The following COX10 variants were observed in gnomAD, a reference collection of about 807,000 sequenced individuals.
COX10 encodes the protein protoheme IX farnesyltransferase, mitochondrial.
In COX10, 27 loss-of-function variants were observed where a neutral mutation model predicts 37.3. That is an observed-to-expected ratio of 0.72 (90% CI 0.53 to 1.00). The LOEUF (loss-of-function observed/expected upper bound fraction) is 1.00. Among genes scored for constraint, COX10 ranks in the 50% least tolerant of loss-of-function variants. The pLI is 0.00. For synonymous variants in COX10, 222 were observed against 229.1 expected, an observed-to-expected ratio of 0.97 and a Z score of 0.28; for missense variants, 475 against 563.2, an observed-to-expected ratio of 0.84 and a Z score of 1.59.
At chr17:14,190,767 A>C (rs1445442906) in intron 5 of COX10, among the ~76,000 whole-genome samples, 2 of 152,134 alleles carry the variant, frequency 1.3e-5, no homozygotes, top group Non-Finnish European at 2.9e-5. Flanking sequence ...CTAACTCGTC[A>C]TAATTCTACA....
chr17:14,132,796 T>G (rs1163784658), intron 4 of COX10, among the ~76,000 whole-genome samples: 1 of 151,674 alleles, frequency 6.6e-6, no homozygotes, highest in Admixed American at 6.6e-5. Context: ...TGATGCAAAA[T>G]TATAGCTTCA....
chr17:14,099,972 G>T (rs1460904541), intron 3 of COX10, among the ~76,000 whole-genome samples: 1 of 152,048 alleles, frequency 6.6e-6, no homozygotes, highest in Non-Finnish European at 1.5e-5. Context: ...ATGGTAAAGT[G>T]CACTTTTCCA....
chr17:14,195,695 T>C (rs1906348017), intron 6 of COX10, among the ~76,000 whole-genome samples: 1 of 152,232 alleles, frequency 6.6e-6, no homozygotes, highest in Non-Finnish European at 1.5e-5. Context: ...GAGAACATGA[T>C]AATTACCTGG....
At chr17:14,162,927 A>T (rs1396682047) in intron 5 of COX10, among the ~76,000 whole-genome samples, 1 of 152,200 alleles carries the variant, frequency 6.6e-6, no homozygotes, top group Non-Finnish European at 1.5e-5. Context: ...TTGGCTACAT[A>T]ATTTGGCAAC....
chr17:14,180,541 T>C, intron 5 of COX10, among the ~76,000 whole-genome samples: 1 of 152,204 alleles, frequency 6.6e-6, no homozygotes, highest in Non-Finnish European at 1.5e-5. Flanking sequence ...CATTTGTGAC[T>C]ATTTTCAAGC....
chr17:14,087,522 G>T (rs1915436764), intron 3 of COX10, among the ~76,000 whole-genome samples: 1 of 152,084 alleles, frequency 6.6e-6, no homozygotes, highest in South Asian at 2.1e-4. Flanking sequence ...CGGATGCAGG[G>T]TTGGATTTTT....
intron 5 of COX10, among the ~76,000 whole-genome samples, chr17:14,186,473 C>A: frequency 6.6e-6 from 1 of 151,804 alleles, no homozygotes; most frequent in Non-Finnish European, 1.5e-5. Flanking sequence ...TCACTTCTTC[C>A]TAGAAACACC....
At chr17:14,202,927 C>T (rs1025930169) in intron 6 of COX10, among the ~76,000 whole-genome samples, 1 of 152,160 alleles carries the variant, frequency 6.6e-6, no homozygotes, top group Non-Finnish European at 1.5e-5. Context: ...TTAGTTGAGT[C>T]ATGGCTTAAA....
At chr17:14,170,326 T>A (rs994265733) in intron 5 of COX10, among the ~76,000 whole-genome samples, 4 of 152,218 alleles carry the variant, frequency 2.6e-5, no homozygotes, top group African/African-American at 9.6e-5. Context: ...TCCAGTTTTT[T>A]TAACTTGGTG....
At chr17:14,182,177 G>A (rs1176403162) in intron 5 of COX10, 6 of 967,256 alleles carry the variant, frequency 6.2e-6, no homozygotes, top group Middle Eastern at 5.3e-4. Flanking sequence ...GCCTATAATC[G>A]CAGCTACTCA....
At position 14,073,871 on chromosome 17, in the gene COX10, A is replaced by G. The variant is rs560766687; in HGVS notation, c.44-452A>G. 3.1e-4 allele frequency among the ~76,000 whole-genome samples: 47 copies of G among 152,332 alleles called. 1 individual carries two copies. Among genetic ancestry groups the G allele is most frequent in the African/African-American group, 1.1e-3 (44 of 41,580 alleles). Reference sequence around the variant, plus strand: ...AACTAGACTGATAGAGTCATACTCTATTGAGAACTGTTTCTTCTTCCCTTT... The same window carrying G: ...AACTAGACTGATAGAGTCATACTCTGTTGAGAACTGTTTCTTCTTCCCTTT... On this transcript the variant is annotated intron_variant, in intron 1 of 6. Transcript: ENST00000261643.
At chr17:14,142,159 A>G (rs1463302296) in intron 4 of COX10, among the ~76,000 whole-genome samples, 1 of 152,200 alleles carries the variant, frequency 6.6e-6, no homozygotes, top group African/African-American at 2.4e-5. Context: ...TCAAGACTCA[A>G]ATCTAGTTAG....
chr17:14,193,463 C>T (rs1372833975), intron 6 of COX10, among the ~76,000 whole-genome samples: 1 of 150,378 alleles, frequency 6.6e-6, no homozygotes, highest in Non-Finnish European at 1.5e-5. Flanking sequence ...GAGGGACTGG[C>T]ACAGATCAGG....
chr17:14,132,192 T>C (rs1197100334), intron 4 of COX10, among the ~76,000 whole-genome samples: 1 of 151,980 alleles, frequency 6.6e-6, no homozygotes, highest in Non-Finnish European at 1.5e-5. Context: ...ATGGATGGTT[T>C]AAGTTTACAC....
At chr17:14,175,083 CG>C (rs551562401) in intron 5 of COX10, among the ~76,000 whole-genome samples, 2,178 of 16,330 alleles carry the variant, frequency 0.13, 547 homozygotes, top group African/African-American at 0.17. Context: ...TGGGAAATAG[CG>C]GGGGGGGGGG....
Position 14,154,156 on chromosome 17 carries a change from T to C in COX10, c.625-5721T>C, listed in dbSNP as rs1329157727. 2.6e-5 allele frequency among the ~76,000 whole-genome samples: 4 copies of C among 152,298 alleles called. No homozygotes were observed. The East Asian group carries it at 7.7e-4, about 29-fold the overall frequency. ...GGAAGAGGCGGACTACAGGGAAACA[T>C]GACATAACATTTTGGGGTGATTTGA... On this transcript the variant is annotated intron_variant, in intron 4 of 6. Transcript: ENST00000261643.
intron 5 of COX10, 66 bp from the exon 6 acceptor site, chr17:14,191,923 G>T (rs1342325313): frequency 1.3e-6 from 2 of 1,563,164 alleles, no homozygotes; most frequent in East Asian, 2.2e-5. Flanking sequence ...TGTCAGTGCC[G>T]ATTTTAGGTA....
chr17:14,204,809 A>T (rs1462589319), intron 6 of COX10, among the ~76,000 whole-genome samples: 1 of 152,168 alleles, frequency 6.6e-6, no homozygotes, highest in Non-Finnish European at 1.5e-5. Flanking sequence ...CTTTTAGAAT[A>T]GCAAAGTCAA....
chr17:14,143,900 A>T (rs1447745647), intron 4 of COX10, among the ~76,000 whole-genome samples: 1 of 152,120 alleles, frequency 6.6e-6, no homozygotes, highest in Non-Finnish European at 1.5e-5. Flanking sequence ...AGGTGTCAGG[A>T]GTGCTAAAGC....
Sources: allele counts gnomAD v4.1 joint callset (sites outside exome capture counted in the v4.1 genomes callset), GRCh38; gene constraint gnomAD v4.1.1; transcripts MANE v1.5; gene names NCBI Gene and HGNC (gene_info 2026-07-23, HGNC 2026-07-21).